The following CA10 variants were observed in gnomAD, a reference collection of about 807,000 sequenced individuals.
The protein encoded by CA10 is carbonic anhydrase-related protein 10.
In CA10, 14 loss-of-function variants were observed where a neutral mutation model predicts 44.2. That is an observed-to-expected ratio of 0.32 (90% CI 0.21 to 0.50). The LOEUF (loss-of-function observed/expected upper bound fraction) is 0.50. Among genes scored for constraint, CA10 ranks in the 20% least tolerant of loss-of-function variants. CA10 has a pLI of 0.99. For synonymous variants in CA10, 159 were observed against 141.6 expected, an observed-to-expected ratio of 1.12 and a Z score of -0.87; for missense variants, 350 against 409.7, an observed-to-expected ratio of 0.85 and a Z score of 1.26.
chr17:52,092,802 C>A (rs1988302683), intron 1 of CA10, among the ~76,000 whole-genome samples: 1 of 152,168 alleles, frequency 6.6e-6, no homozygotes, highest in Non-Finnish European at 1.5e-5. Context: ...GGATTGAATA[C>A]CATGGAGCTC....
At chr17:51,968,190 C>T (rs1984151486) in intron 2 of CA10, among the ~76,000 whole-genome samples, 1 of 151,814 alleles carries the variant, frequency 6.6e-6, no homozygotes, top group African/African-American at 2.4e-5. Context: ...TATAACCCAC[C>T]TAGGCCACAG....
At chr17:52,044,174 A>G (rs962761442) in intron 2 of CA10, among the ~76,000 whole-genome samples, 5 of 152,078 alleles carry the variant, frequency 3.3e-5, no homozygotes, top group African/African-American at 9.7e-5. Flanking sequence ...CCCATGATCC[A>G]TCTGCTCCTG....
At chr17:51,776,190 T>C (rs1378270294) in intron 3 of CA10, among the ~76,000 whole-genome samples, 2 of 152,202 alleles carry the variant, frequency 1.3e-5, no homozygotes, top group East Asian at 1.9e-4. Context: ...CAAAAGCCTG[T>C]CTCTACTAAA....
chr17:51,821,665 C>T (rs1907808215), intron 3 of CA10, among the ~76,000 whole-genome samples: 1 of 152,020 alleles, frequency 6.6e-6, no homozygotes, highest in East Asian at 1.9e-4. Flanking sequence ...TCCTCAGTGG[C>T]TTCTCATTTC....
chr17:51,925,960 T>C (rs1479665661), intron 3 of CA10, among the ~76,000 whole-genome samples: 3 of 152,092 alleles, frequency 2.0e-5, no homozygotes, highest in African/African-American at 7.2e-5. Context: ...GGAGTTCTTG[T>C]TTACTGGGTA....
intron 3 of CA10, among the ~76,000 whole-genome samples, chr17:51,828,098 T>C (rs984985295): frequency 1.3e-5 from 2 of 152,212 alleles, no homozygotes; most frequent in Admixed American, 1.3e-4. Context: ...AATAAATTTC[T>C]ACTGTACAAA....
At chr17:52,127,122 A>G (rs1989136060) in intron 1 of CA10, among the ~76,000 whole-genome samples, 2 of 152,208 alleles carry the variant, frequency 1.3e-5, no homozygotes. Context: ...CCATGAAGTG[A>G]TTACTGTTAT....
chr17:51,693,338 T>C (rs767449231), intron 4 of CA10, among the ~76,000 whole-genome samples: 5 of 152,064 alleles, frequency 3.3e-5, no homozygotes, highest in African/African-American at 4.8e-5. Context: ...TCTTTTTCTC[T>C]TTAAAAAAAA....
chr17:52,101,367 G>A (rs1020526070), intron 1 of CA10, among the ~76,000 whole-genome samples: 4 of 152,208 alleles, frequency 2.6e-5, no homozygotes, highest in Admixed American at 2.0e-4. Context: ...AAGATTACTT[G>A]AGGCAAATGT....
chr17:52,016,711 A>G (rs1038778712), intron 2 of CA10, among the ~76,000 whole-genome samples: 6 of 152,080 alleles, frequency 3.9e-5, no homozygotes, highest in African/African-American at 9.7e-5. Context: ...TCAGAGGTTC[A>G]AGACTAGCCT....
At chr17:51,786,821 T>G (rs1054277480) in intron 3 of CA10, among the ~76,000 whole-genome samples, 1 of 152,178 alleles carries the variant, frequency 6.6e-6, no homozygotes, top group Non-Finnish European at 1.5e-5. Context: ...CTGTCATATA[T>G]AGCTTTTATT....
chr17:51,687,734 T>G (rs1008498740), intron 4 of CA10, among the ~76,000 whole-genome samples: 4 of 152,236 alleles, frequency 2.6e-5, no homozygotes, highest in Admixed American at 6.5e-5. Flanking sequence ...AAAATGTCCT[T>G]GCTCTTATAA....
intron 3 of CA10, among the ~76,000 whole-genome samples, chr17:51,780,012 C>T (rs146457426): frequency 5.3e-5 from 8 of 152,134 alleles, no homozygotes; most frequent in African/African-American, 1.9e-4. Context: ...TGATCTAACA[C>T]ACATAAAACA....
At chr17:51,684,810 C>T (rs1914956106) in intron 4 of CA10, among the ~76,000 whole-genome samples, 1 of 152,136 alleles carries the variant, frequency 6.6e-6, no homozygotes, top group African/African-American at 2.4e-5. Flanking sequence ...TATCTCACTC[C>T]TCCAAAGAGA....
At chr17:51,956,193 C>T (rs1598138430) in intron 2 of CA10, among the ~76,000 whole-genome samples, 1 of 151,954 alleles carries the variant, frequency 6.6e-6, no homozygotes, top group Admixed American at 6.5e-5. Flanking sequence ...AGATATAAAA[C>T]AATACTTGGT....
rs574727709 is a variant in CA10, at chr17:52,031,189, G to A, written c.136+41130C>T. On this transcript the variant is annotated intron_variant, in intron 2 of 8. Coordinates refer to ENST00000451037, the MANE Select transcript of CA10 (RefSeq NM_020178.5). ...TTTTTTGAGATGGAGTCTCACTCTC[G>A]TGCAGGCTGGAGTGCAGTGGCATGA... Among the ~76,000 whole-genome samples, 8 of 146,966 alleles carry A rather than the reference G, an allele frequency of 5.4e-5. 1 individual carries two copies. In the South Asian group the frequency reaches 1.5e-3, roughly 28 times the overall value.
At chr17:51,871,394 A>T (rs1353986674) in intron 3 of CA10, among the ~76,000 whole-genome samples, 15 of 81,296 alleles carry the variant, frequency 1.8e-4, no homozygotes, top group South Asian at 5.6e-4. Context: ...ACCAGGCCTA[A>T]TTTTTTTTTT....
intron 3 of CA10, among the ~76,000 whole-genome samples, chr17:51,843,768 C>T (rs938514372): frequency 7.9e-5 from 12 of 152,070 alleles, no homozygotes; most frequent in Admixed American, 7.2e-4. Flanking sequence ...AGGATAGAAG[C>T]GTAGCTGTAG....
chr17:52,094,405 A>G (rs1988351217), intron 1 of CA10, among the ~76,000 whole-genome samples: 1 of 152,174 alleles, frequency 6.6e-6, no homozygotes, highest in Non-Finnish European at 1.5e-5. Flanking sequence ...ATCGTCAGGA[A>G]ACTGGAGTAA....
Sources: allele counts gnomAD v4.1 joint callset (sites outside exome capture counted in the v4.1 genomes callset), GRCh38; gene constraint gnomAD v4.1.1; transcripts MANE v1.5; gene names NCBI Gene and HGNC (gene_info 2026-07-23, HGNC 2026-07-21).